The following SLC10A7 variants were observed in gnomAD, a reference collection of about 807,000 sequenced individuals.
SLC10A7 encodes sodium/bile acid cotransporter 7.
In SLC10A7, 29 loss-of-function variants were observed where a neutral mutation model predicts 43.2. That is an observed-to-expected ratio of 0.67 (90% CI 0.50 to 0.92). SLC10A7 has a LOEUF of 0.92. Ranked by LOEUF, SLC10A7 falls within the 40% of genes least tolerant of loss-of-function variation. The pLI, the probability that SLC10A7 is intolerant of heterozygous loss-of-function variation, is 0.00. For synonymous variants in SLC10A7, 152 were observed against 144.8 expected (o/e 1.05, Z -0.35); for missense variants, 295 against 403.2 (o/e 0.73, Z 2.30).
At chr4:146,444,912 C>T (rs1730909759) in intron 4 of SLC10A7, among the ~76,000 whole-genome samples, 1 of 152,162 alleles carries the variant, frequency 6.6e-6, no homozygotes, top group East Asian at 1.9e-4. Flanking sequence ...TGGCTCAATT[C>T]TGTGGTTGCA....
chr4:146,518,777 A>G (rs1738257464), intron 1 of SLC10A7, among the ~76,000 whole-genome samples: 1 of 151,890 alleles, frequency 6.6e-6, no homozygotes, highest in Non-Finnish European at 1.5e-5. Flanking sequence ...ATATTGCCAC[A>G]AGCCAAGGAA....
At chr4:146,442,859 A>G (rs755669503) in intron 4 of SLC10A7, 38 bp from the exon 5 acceptor site, 33 of 1,352,890 alleles carry the variant, frequency 2.4e-5, no homozygotes, top group Non-Finnish European at 3.3e-5. Flanking sequence ...AACTCATTGA[A>G]AGTAAATAAG....
intron 4 of SLC10A7, among the ~76,000 whole-genome samples, chr4:146,491,833 C>T (rs1019508866): frequency 6.6e-6 from 1 of 152,058 alleles, no homozygotes; most frequent in African/African-American, 2.4e-5. Flanking sequence ...ATATTCAGAC[C>T]GTTTGTTTGG....
chr4:146,290,121 C>A (rs113206065), intron 9 of SLC10A7, among the ~76,000 whole-genome samples: 34 of 150,390 alleles, frequency 2.3e-4, no homozygotes, highest in Admixed American at 1.1e-3. Context: ...TCAGGAGATC[C>A]AGACCATCCT....
chr4:146,322,680 A>T (rs573461724), intron 6 of SLC10A7, among the ~76,000 whole-genome samples: 46 of 152,270 alleles, frequency 3.0e-4, no homozygotes, highest in Admixed American at 8.5e-4. Flanking sequence ...CACAATAAAC[A>T]TACGTGTGCA....
chr4:146,503,676 T>C (rs1207721295), intron 4 of SLC10A7, among the ~76,000 whole-genome samples, 173 bp downstream of exon 4: 2 of 152,210 alleles, frequency 1.3e-5, no homozygotes, highest in African/African-American at 2.4e-5. Flanking sequence ...ATTCCATCCA[T>C]CATAATCAAT....
chr4:146,262,373 C>T (rs1728283917), intron 10 of SLC10A7, among the ~76,000 whole-genome samples: 1 of 152,190 alleles, frequency 6.6e-6, no homozygotes, highest in African/African-American at 2.4e-5. Context: ...ACTATCTGGA[C>T]AACAACTGGA....
At chr4:146,439,949 T>A (rs192848718) in intron 5 of SLC10A7, among the ~76,000 whole-genome samples, 136 of 152,304 alleles carry the variant, frequency 8.9e-4, no homozygotes, top group African/African-American at 3.1e-3. Context: ...CTAAAATAAA[T>A]CTTCTTCCTA....
intron 5 of SLC10A7, among the ~76,000 whole-genome samples, chr4:146,423,220 T>C (rs956192126): frequency 6.6e-6 from 1 of 152,178 alleles, no homozygotes; most frequent in Admixed American, 6.5e-5. Flanking sequence ...TTCTAAGTTC[T>C]TATCAAGTGA....
chr4:146,399,733 G>A (rs975213580), intron 5 of SLC10A7, among the ~76,000 whole-genome samples: 1 of 152,138 alleles, frequency 6.6e-6, no homozygotes, highest in Non-Finnish European at 1.5e-5. Flanking sequence ...GTAACGGGGA[G>A]AGGCATTCAC....
At chr4:146,346,560 CT>C (rs1244963909) in intron 5 of SLC10A7, among the ~76,000 whole-genome samples, 1 of 152,114 alleles carries the variant, frequency 6.6e-6, no homozygotes, top group African/African-American at 2.4e-5. Context: ...AGATACATGT[CT>C]CCCTTTTCAA....
At chr4:146,463,234 T>C (rs1030908767) in intron 4 of SLC10A7, among the ~76,000 whole-genome samples, 5 of 152,196 alleles carry the variant, frequency 3.3e-5, no homozygotes, top group African/African-American at 4.8e-5. Context: ...GGACTCCTCA[T>C]CTTTATAATA....
At chr4:146,271,609 T>C (rs1005598365) in intron 10 of SLC10A7, among the ~76,000 whole-genome samples, 2 of 152,164 alleles carry the variant, frequency 1.3e-5, no homozygotes, top group Non-Finnish European at 2.9e-5. Flanking sequence ...AGTGAGATCT[T>C]GTCCCTCATC....
chr4:146,521,911 G>T lies in SLC10A7; in HGVS notation c.-194C>A, dbSNP rs1560995735. On this transcript the variant is annotated 5_prime_UTR_variant, in exon 1 of 12. Coordinates refer to ENST00000335472, the MANE Select transcript of SLC10A7 (RefSeq NM_001029998.6). ...GCTTTGAGGAGGGTTGGGAGTAGTAGTAGCCAGTGACAGGAAAGTCTCACT... is the reference window on the plus strand; with the variant it reads ...GCTTTGAGGAGGGTTGGGAGTAGTATTAGCCAGTGACAGGAAAGTCTCACT... 1.9e-6 allele frequency: 1 copy of T among 533,840 alleles called. No individual in the cohort carries two copies. 33.1% of individuals were successfully genotyped at this position (533,840 alleles called of 1,614,324 possible). A position where few individuals can be genotyped will look rare whatever the true frequency, so the allele number is the denominator to read the frequency against.
At chr4:146,373,053 T>A (rs1242628139) in intron 5 of SLC10A7, among the ~76,000 whole-genome samples, 1 of 152,214 alleles carries the variant, frequency 6.6e-6, no homozygotes, top group Non-Finnish European at 1.5e-5. Context: ...TTCATTAAAA[T>A]CATTTGTAGC....
chr4:146,464,277 G>A (rs1732810174), intron 4 of SLC10A7, among the ~76,000 whole-genome samples: 1 of 152,112 alleles, frequency 6.6e-6, no homozygotes, highest in African/African-American at 2.4e-5. Flanking sequence ...TGGACAAATA[G>A]AGTTACAAAA....
intron 5 of SLC10A7, among the ~76,000 whole-genome samples, chr4:146,344,303 T>C (rs961859586): frequency 1.3e-5 from 2 of 152,056 alleles, no homozygotes; most frequent in African/African-American, 4.8e-5. Flanking sequence ...GTCTAAACAC[T>C]CACAGGAATC....
chr4:146,265,275 C>G (rs1041312513), intron 10 of SLC10A7, among the ~76,000 whole-genome samples: 12 of 152,150 alleles, frequency 7.9e-5, no homozygotes, highest in African/African-American at 2.7e-4. Flanking sequence ...AGAATTGGAC[C>G]CCAGTGTGTT....
intron 9 of SLC10A7, among the ~76,000 whole-genome samples, chr4:146,291,035 C>T (rs1250702524): frequency 6.6e-6 from 1 of 152,192 alleles, no homozygotes; most frequent in Non-Finnish European, 1.5e-5. Context: ...ACTTCTGCCA[C>T]CCATGCCTCC....
Sources: gnomAD v4.1 joint callset for allele counts (sites outside exome capture counted in the v4.1 genomes callset) on GRCh38, gnomAD v4.1.1 for gene constraint, MANE v1.5 for transcripts, NCBI Gene and HGNC (gene_info 2026-07-23, HGNC 2026-07-21) for gene names.